TXNDC5: variants seen among roughly 807,000 people sequenced by gnomAD.
TXNDC5 encodes thioredoxin domain containing 5, also known as thioredoxin domain-containing protein 5.
TXNDC5 carries 44 observed loss-of-function variants against 52.6 expected under a neutral mutation model. That is an observed-to-expected ratio of 0.84 (90% confidence interval 0.66 to 1.08). TXNDC5 has a LOEUF of 1.08. TXNDC5 is among the 50% of genes least tolerant of loss of function. The pLI, the probability that TXNDC5 is intolerant of heterozygous loss-of-function variation, is 0.00. For missense variants in TXNDC5, 600 were observed against 565.5 expected (o/e 1.06, Z -0.62); for synonymous variants, 241 against 234.4 (o/e 1.03, Z -0.26).
rs1288119325 is a variant in TXNDC5, at chr6:7,881,808, C to G, written c.*1336G>C. On this transcript the variant is annotated 3_prime_UTR_variant, in exon 10 of 10. Transcript: ENST00000379757. The stretch of plus-strand genomic sequence containing the variant: ...GTCTTGTTTCTAAGATTCCTACCAC[C>G]AGTTACTTTGGGCCAAGTATCCACA... 6.6e-6 allele frequency: 1 copy of G among 152,232 alleles called. No individual in the cohort carries two copies. The highest frequency in any genetic ancestry group is 2.4e-5 in the African/African-American group (1 of 41,458). 9.4% of individuals were successfully genotyped at this position (152,232 alleles called of 1,614,324 possible).
chr6:7,888,928 T>G, intron 6 of TXNDC5, 80 bp from the exon 7 acceptor site: 1 of 1,505,660 alleles, frequency 6.6e-7, no homozygotes, highest in Non-Finnish European at 8.9e-7. Flanking sequence ...AACCCCTGCT[T>G]GCCCGGGTCA....
chr6:7,907,732 C>G (rs1043564487), intron 1 of TXNDC5, among the ~76,000 whole-genome samples: 1 of 152,144 alleles, frequency 6.6e-6, no homozygotes, highest in Non-Finnish European at 1.5e-5. Context: ...TGCATAGACC[C>G]CTCCAGAGTC....
In TXNDC5 at chr6:7,910,629, G is replaced by A. The variant is rs1231408916; in HGVS notation, c.148C>T (p.Pro50Ser). 5 of 1,339,764 alleles carry A rather than the reference G, an allele frequency of 3.7e-6. No homozygotes were observed. Among genetic ancestry groups the A allele is most frequent in the African/African-American group, 3.1e-5 (2 of 65,032 alleles). The allele number at this position is 1,339,764 out of a possible 1,614,324, so 83.0% of individuals were successfully genotyped here. Residue 50 changes from proline to serine, a missense_variant, in exon 1 of 10, where the codon CCC becomes TCC. Physicochemically the swap from Pro to Ser is moderately conservative, Grantham distance 74. Coordinates refer to ENST00000379757, the MANE Select transcript of TXNDC5 (RefSeq NM_030810.5). ...EAAAAAADGP[P>S]AADGEDGQDP... The stretch of plus-strand genomic sequence containing the variant: ...TGTCCGTCCTCGCCGTCTGCCGCGG[G>A]GGGCCCGTCCGCCGCCGCCGCCGCC...
intron 1 of TXNDC5, chr6:7,909,807 C>T: frequency 2.0e-6 from 2 of 986,080 alleles, no homozygotes; most frequent in Non-Finnish European, 2.4e-6. Flanking sequence ...AAGTGGGAAA[C>T]CACACCTTCC....
At chr6:7,904,819 G>A in intron 1 of TXNDC5, 96 bp from the exon 2 acceptor site, 1 of 1,469,972 alleles carries the variant, frequency 6.8e-7, no homozygotes, top group Non-Finnish European at 9.4e-7. Context: ...GGGGCTCTCA[G>A]TCCTTTCTTT....
At chr6:7,899,524 G>T in intron 3 of TXNDC5, 52 bp downstream of exon 3, 1 of 1,277,932 alleles carries the variant, frequency 7.8e-7, no homozygotes, top group East Asian at 2.5e-5. Context: ...AAAGATGTAG[G>T]CAGGGAGAGA....
chr6:7,895,293 G>T, intron 3 of TXNDC5, 91 bp from the exon 4 acceptor site: 1 of 1,148,006 alleles, frequency 8.7e-7, no homozygotes, highest in Non-Finnish European at 1.2e-6. Flanking sequence ...GGAACCGCCT[G>T]CAGATGCCTC....
At chr6:7,885,102 TTTAAATGTTGCAAATGATTTGAAAGGCA>T (rs1366480515) in intron 8 of TXNDC5, among the ~76,000 whole-genome samples, 1 of 152,232 alleles carries the variant, frequency 6.6e-6, no homozygotes, top group East Asian at 1.9e-4. Context: ...GCTTTAGGTT[TTTAAATGTTGCAAATGATTTGAAAGGCA>T]TTGCTATGGT....
chr6:7,898,690 T>C (rs1193939271), intron 3 of TXNDC5, among the ~76,000 whole-genome samples: 2 of 152,162 alleles, frequency 1.3e-5, no homozygotes, highest in Non-Finnish European at 2.9e-5. Context: ...CCACCAGGTC[T>C]ACCCGGCATC....
intron 3 of TXNDC5, among the ~76,000 whole-genome samples, chr6:7,896,916 C>G (rs115155622): frequency 9.1e-4 from 138 of 152,216 alleles, no homozygotes; most frequent in African/African-American, 3.3e-3. Context: ...AGAAACCTGG[C>G]TATATTCATC....
intron 9 of TXNDC5, among the ~76,000 whole-genome samples, chr6:7,883,854 T>G (rs1309184140): frequency 6.6e-6 from 1 of 152,232 alleles, no homozygotes; most frequent in Non-Finnish European, 1.5e-5. Context: ...GCCATCAGAC[T>G]GTGCTAACAG....
At position 7,910,772 on chromosome 6, in the gene TXNDC5, G is replaced by A. The variant is rs1031539519; in HGVS notation, c.5C>T (p.Pro2Leu). 8.1e-6 allele frequency: 8 copies of A among 991,938 alleles called. No homozygotes were observed. In the African/African-American group the frequency reaches 1.4e-4, roughly 17 times the overall value. The allele number at this position is 991,938 out of a possible 1,614,324, so 61.4% of individuals were successfully genotyped here. Residue 2 changes from proline to leucine, a missense_variant, in exon 1 of 10, where the codon CCC becomes CTC. Pro to Leu is a moderately conservative substitution (Grantham distance 98). Coordinates refer to ENST00000379757, the MANE Select transcript of TXNDC5 (RefSeq NM_030810.5). ...CGGGAGGAGGCGTCCTGGGCGCGCGGGCATCGCGGCGGGGCTGGGCGCGCT... is the reference window on the plus strand; with the variant it reads ...CGGGAGGAGGCGTCCTGGGCGCGCGAGCATCGCGGCGGGGCTGGGCGCGCT... M[P>L]ARPGRLLPLL...
At chr6:7,899,870 T>A (rs916510441) in intron 2 of TXNDC5, 189 bp from the exon 3 acceptor site, 1 of 451,612 alleles carries the variant, frequency 2.2e-6, no homozygotes, top group Admixed American at 4.0e-5. Flanking sequence ...AATCCTAAAC[T>A]TTCAGAAGTT....
intron 5 of TXNDC5, among the ~76,000 whole-genome samples, chr6:7,891,139 C>CA (rs1210802826): frequency 1.3e-5 from 2 of 152,180 alleles, no homozygotes; most frequent in Non-Finnish European, 2.9e-5. Context: ...CAGAAGTTGT[C>CA]AGACACCACT....
rs1017324491 is a variant in TXNDC5 at position 7,889,103 on chromosome 6, G to A, written c.820-255C>T. The stretch of plus-strand genomic sequence containing the variant: ...AGAAGTCTGGGGCAGAGGCCTGCCA[G>A]CAAGCCGTTGTGCTGATGGGGAACT... On this transcript the variant is annotated intron_variant, in intron 6 of 9. Transcript: ENST00000379757. 4.1e-5 allele frequency: 20 copies of A among 492,420 alleles called. 1 individual carries two copies. In the Admixed American group the frequency reaches 6.8e-4, roughly 17 times the overall value. 30.5% of individuals were successfully genotyped at this position (492,420 alleles called of 1,614,324 possible).
chr6:7,910,470 G>A (rs950032744), intron 1 of TXNDC5, 44 bp downstream of exon 1: 1 of 1,365,612 alleles, frequency 7.3e-7, no homozygotes, highest in Non-Finnish European at 9.6e-7. Context: ...CACGCCCCGC[G>A]AAGCGCCAAG....
At chr6:7,888,426 T>TTC in intron 7 of TXNDC5, among the ~76,000 whole-genome samples, 1 of 152,214 alleles carries the variant, frequency 6.6e-6, no homozygotes, top group Non-Finnish European at 1.5e-5. Flanking sequence ...AAAGGAAGGA[T>TTC]TCTCTAGAGA....
At chr6:7,885,252 T>A (rs1037333684) in intron 8 of TXNDC5, among the ~76,000 whole-genome samples, 1 of 152,254 alleles carries the variant, frequency 6.6e-6, no homozygotes, top group African/African-American at 2.4e-5. Flanking sequence ...AGATAAACAA[T>A]CTACTGTTGT....
chr6:7,887,505 C>CTCT (rs55716545), intron 7 of TXNDC5, among the ~76,000 whole-genome samples: 6 of 152,064 alleles, frequency 3.9e-5, no homozygotes, highest in African/African-American at 7.3e-5. Flanking sequence ...CCTCCCTCTC[C>CTCT]GCGCTGCACA....
Sources: gnomAD v4.1 joint callset for allele counts (sites outside exome capture counted in the v4.1 genomes callset) on GRCh38, gnomAD v4.1.1 for gene constraint, MANE v1.5 for transcripts, NCBI Gene and HGNC (gene_info 2026-07-23, HGNC 2026-07-21) for gene names.